Variants in CAMTA1 observed in about 807,000 individuals in gnomAD.
CAMTA1 encodes the protein calmodulin-binding transcription activator 1.
Under a neutral mutation model 170.9 loss-of-function variants are expected in CAMTA1, and 27 were observed. That is an observed-to-expected ratio of 0.16 (90% confidence interval 0.12 to 0.22). The LOEUF is 0.22. CAMTA1 is among the 10% of genes least tolerant of loss of function. The pLI is 1.00. For synonymous variants in CAMTA1, 833 were observed against 891.5 expected (o/e 0.93, Z 1.17); for missense variants, 1,619 against 2,217.2 (o/e 0.73, Z 5.42).
intron 6 of CAMTA1, among the ~76,000 whole-genome samples, chr1:7,478,608 G>T (rs532179319): frequency 6.6e-6 from 1 of 152,232 alleles, no homozygotes; most frequent in Non-Finnish European, 1.5e-5. Context: ...TAATCCTTCC[G>T]TCGGCAGAGG....
Position 7,077,018 on chromosome 1 carries a change from A to C in CAMTA1, c.235-14286A>C, listed in dbSNP as rs185154885. ...TGAAGGCAGGTTATGAAATTCAAACACTATTGAAATCCAAACACCTTTCAT... is the reference window on the plus strand; with the variant it reads ...TGAAGGCAGGTTATGAAATTCAAACCCTATTGAAATCCAAACACCTTTCAT... On this transcript the variant is annotated intron_variant, in intron 3 of 22. Transcript: ENST00000303635. Among the ~76,000 whole-genome samples the C allele has an allele frequency of 3.9e-5, 6 of 152,358 alleles. No homozygotes were observed. In the East Asian group the frequency reaches 1.2e-3, roughly 29 times the overall value.
At chr1:7,505,929 G>T (rs969535776) in intron 6 of CAMTA1, among the ~76,000 whole-genome samples, 2 of 152,172 alleles carry the variant, frequency 1.3e-5, no homozygotes, top group Non-Finnish European at 2.9e-5. Flanking sequence ...CAGTCCGAGA[G>T]GCCTCCTCAC....
chr1:7,241,818 C>A (rs776006194), intron 4 of CAMTA1, among the ~76,000 whole-genome samples: 2 of 152,164 alleles, frequency 1.3e-5, no homozygotes, highest in Middle Eastern at 6.8e-3. Context: ...TGGATCATGA[C>A]CTAAATGCAA....
chr1:6,919,382 A>AG (rs1681507010), intron 3 of CAMTA1, among the ~76,000 whole-genome samples: 1 of 152,206 alleles, frequency 6.6e-6, no homozygotes, highest in South Asian at 2.1e-4. Flanking sequence ...GGCTGTGTTA[A>AG]GGGTGTGCGA....
chr1:7,050,573 G>A lies in CAMTA1; in HGVS notation c.235-40731G>A, dbSNP rs370808708. On this transcript the variant is annotated intron_variant, in intron 3 of 22. Coordinates refer to ENST00000303635, the MANE Select transcript of CAMTA1 (RefSeq NM_015215.4). The surrounding 1 kb of genome is among the most constrained non-coding windows in gnomAD (Gnocchi z 4.8). ...AGACTTCTGCAAACGTCACCTGGCA[G>A]TGCCCAGTTGAGATATCTGTCTCGG... Among the ~76,000 whole-genome samples the A allele has an allele frequency of 7.2e-5, 11 of 152,326 alleles. No homozygotes were observed. The East Asian group carries it at 1.5e-3, about 21-fold the overall frequency.
intron 4 of CAMTA1, among the ~76,000 whole-genome samples, chr1:7,133,974 A>G (rs1285637205): frequency 6.6e-6 from 1 of 152,162 alleles, no homozygotes; most frequent in Admixed American, 6.5e-5. Context: ...TGTGATGCTG[A>G]GGTTTGGGTA....
chr1:7,551,223 T>A (rs1017561338), intron 6 of CAMTA1, among the ~76,000 whole-genome samples: 1 of 152,186 alleles, frequency 6.6e-6, no homozygotes, highest in Non-Finnish European at 1.5e-5. Flanking sequence ...AGGAGGGTGC[T>A]TATCACATCC....
chr1:7,409,913 C>T (rs1042834689), intron 5 of CAMTA1, among the ~76,000 whole-genome samples: 2 of 152,118 alleles, frequency 1.3e-5, no homozygotes, highest in Non-Finnish European at 2.9e-5. Context: ...GATGGGTGGG[C>T]TGAGGCCTGG....
intron 3 of CAMTA1, among the ~76,000 whole-genome samples, chr1:7,073,260 G>C (rs1638878335): frequency 6.6e-6 from 1 of 152,178 alleles, no homozygotes; most frequent in South Asian, 2.1e-4. Flanking sequence ...AGGGGTGTGA[G>C]TGTGGGTGTG....
chr1:7,544,835 C>A (rs192637815), intron 6 of CAMTA1, among the ~76,000 whole-genome samples: 1 of 152,250 alleles, frequency 6.6e-6, no homozygotes, highest in Admixed American at 6.5e-5. Context: ...GAGAGAGAAA[C>A]CGAAGAAGCC....
At chr1:6,950,770 C>T (rs1053577909) in intron 3 of CAMTA1, among the ~76,000 whole-genome samples, 1 of 150,710 alleles carries the variant, frequency 6.6e-6, no homozygotes, top group Admixed American at 6.6e-5. Context: ...CCGTCATGTA[C>T]CACAAAGCAG....
chr1:7,033,135 A>G (rs779144547), intron 3 of CAMTA1, among the ~76,000 whole-genome samples: 3 of 152,088 alleles, frequency 2.0e-5, no homozygotes, highest in Admixed American at 6.5e-5. Context: ...TAGTTTTTCT[A>G]TTTGTTTCTG....
chr1:7,285,630 T>G (rs550659904), intron 5 of CAMTA1, among the ~76,000 whole-genome samples: 2 of 152,306 alleles, frequency 1.3e-5, no homozygotes, highest in African/African-American at 4.8e-5. Flanking sequence ...ATTTTAAAGA[T>G]GTTGGTACAA....
At chr1:6,799,028 TC>T (rs1246705947) in intron 1 of CAMTA1, among the ~76,000 whole-genome samples, 1 of 152,142 alleles carries the variant, frequency 6.6e-6, no homozygotes, top group Non-Finnish European at 1.5e-5. Context: ...TCAAACTCTT[TC>T]CTTTTTACTA....
chr1:6,929,866 C>T (rs1431817754), intron 3 of CAMTA1, among the ~76,000 whole-genome samples: 12 of 152,204 alleles, frequency 7.9e-5, no homozygotes, highest in Non-Finnish European at 1.5e-5. Context: ...TCCCTCTTCT[C>T]ACCTCTTGGA....
At position 7,063,980 on chromosome 1, in the gene CAMTA1, G is replaced by A. The variant is rs1572793018; in HGVS notation, c.235-27324G>A. On this transcript the variant is annotated intron_variant, in intron 3 of 22. Transcript: ENST00000303635. This position sits in a 1 kb window ranked among gnomAD's most constrained non-coding sequence, Gnocchi z 4.3. ...GGAGGCTGGGAAGTCCAAGATTAAG[G>A]CACTGGCAGATTCGATTCCTGATGA... Among the ~76,000 whole-genome samples, 2 of 152,320 alleles carry A rather than the reference G, an allele frequency of 1.3e-5. No individual in the cohort carries two copies. Among genetic ancestry groups the A allele is most frequent in the East Asian group, 1.9e-4 (1 of 5,182 alleles).
chr1:7,263,085 C>A (rs1001318803), intron 5 of CAMTA1, among the ~76,000 whole-genome samples: 4 of 151,742 alleles, frequency 2.6e-5, no homozygotes, highest in Non-Finnish European at 5.9e-5. Context: ...GTATTTTGGC[C>A]GCATTTTTTT....
intron 4 of CAMTA1, among the ~76,000 whole-genome samples, chr1:7,159,227 C>T (rs1558184495): frequency 6.6e-6 from 1 of 151,902 alleles, no homozygotes; most frequent in Non-Finnish European, 1.5e-5. Flanking sequence ...AGAATTTTGA[C>T]CTTATTTGAT....
intron 3 of CAMTA1, among the ~76,000 whole-genome samples, chr1:7,011,034 C>T (rs1461553539): frequency 6.6e-6 from 1 of 152,148 alleles, no homozygotes; most frequent in Admixed American, 6.5e-5. Context: ...CACAGCGGTC[C>T]CGACAGACGC....
Sources: gnomAD v4.1 joint callset for allele counts (sites outside exome capture counted in the v4.1 genomes callset) on GRCh38, gnomAD v4.1.1 for gene constraint, Gnocchi (gnomAD v3.1) non-coding constraint, MANE v1.5 for transcripts, NCBI Gene and HGNC (gene_info 2026-07-23, HGNC 2026-07-21) for gene names.